The following MED12L variants were observed in gnomAD, a reference collection of about 807,000 sequenced individuals.
MED12L encodes the protein mediator complex subunit 12L.
A neutral mutation model predicts 281.3 loss-of-function variants in MED12L; 60 were observed. That is an observed-to-expected ratio of 0.21 (90% confidence interval 0.17 to 0.26). The LOEUF (loss-of-function observed/expected upper bound fraction) is 0.26, where lower values mean the gene tolerates loss of function less well. MED12L is among the 10% of genes least tolerant of loss of function. MED12L has a pLI of 1.00. For synonymous variants in MED12L, 974 were observed against 987.2 expected (o/e 0.99, Z 0.25); for missense variants, 2,146 against 2,680.9 (o/e 0.80, Z 4.41).
chr3:151,374,203 G>GTGCT (rs1280561703), intron 27 of MED12L, among the ~76,000 whole-genome samples: 1 of 148,944 alleles, frequency 6.7e-6, no homozygotes, highest in Non-Finnish European at 1.5e-5. Flanking sequence ...CATGTTAAAT[G>GTGCT]TGCTATCCAG....
At chr3:151,403,134 G>A (rs1260716293) in intron 39 of MED12L, among the ~76,000 whole-genome samples, 2 of 151,382 alleles carry the variant, frequency 1.3e-5, no homozygotes, top group East Asian at 1.9e-4. Flanking sequence ...CTGTTAACTC[G>A]GTTTATGTTT....
At chr3:151,305,363 T>C (rs146430582) in intron 16 of MED12L, among the ~76,000 whole-genome samples, 635 of 152,336 alleles carry the variant, frequency 4.2e-3, no homozygotes, top group Non-Finnish European at 7.0e-3. Flanking sequence ...GAGACCTGTT[T>C]TTTTTCCAGC....
chr3:151,131,064 G>A (rs1251256220), intron 5 of MED12L, among the ~76,000 whole-genome samples: 1 of 152,148 alleles, frequency 6.6e-6, no homozygotes, highest in Non-Finnish European at 1.5e-5. Flanking sequence ...TTCTGCATCT[G>A]TGTATGTATG....
chr3:151,198,581 G>A (rs750614771), intron 16 of MED12L: 1 of 1,613,926 alleles, frequency 6.2e-7, no homozygotes, highest in East Asian at 2.2e-5. Context: ...GAGCAGTGTA[G>A]CCTCTTTGGC....
At chr3:151,255,453 G>A (rs568402043) in intron 16 of MED12L, among the ~76,000 whole-genome samples, 1 of 152,186 alleles carries the variant, frequency 6.6e-6, no homozygotes, top group African/African-American at 2.4e-5. Context: ...GCCAGGGGGA[G>A]GGGGCTGGGG....
chr3:151,247,011 A>G (rs937626679), intron 16 of MED12L, among the ~76,000 whole-genome samples: 1 of 152,236 alleles, frequency 6.6e-6, no homozygotes, highest in African/African-American at 2.4e-5. Flanking sequence ...CAAAAAACAC[A>G]TGAAAAAATC....
intron 16 of MED12L, among the ~76,000 whole-genome samples, chr3:151,341,115 T>C (rs1269258391): frequency 6.6e-6 from 1 of 152,182 alleles, no homozygotes; most frequent in Non-Finnish European, 1.5e-5. Context: ...CTGAAATATA[T>C]TGTGTACAAC....
chr3:151,249,133 T>G (rs1192926139), intron 16 of MED12L: 1 of 152,106 alleles, frequency 6.6e-6, no homozygotes, highest in East Asian at 1.9e-4. Flanking sequence ...TGGACCTGAT[T>G]TGGATTTGCT....
At chr3:151,228,914 C>G (rs1731061820) in intron 16 of MED12L, among the ~76,000 whole-genome samples, 1 of 152,186 alleles carries the variant, frequency 6.6e-6, no homozygotes, top group Admixed American at 6.5e-5. Context: ...TCCATGACCT[C>G]TTTTCGCCTC....
In MED12L at chr3:151,097,624, C is replaced by T. The variant is rs1186515895; in HGVS notation, c.99+10599C>T. On this transcript the variant is annotated intron_variant, in intron 2 of 44. Coordinates refer to ENST00000687756, the MANE Select transcript of MED12L (RefSeq NM_001393769.1). ...GTCTAGAGCAGTGGATTTCAACTGG[C>T]GAGGGGCGAGAGTGCATTTTCTTTC... Among the ~76,000 whole-genome samples the T allele has an allele frequency of 3.3e-5, 5 of 152,156 alleles. 1 individual carries two copies. Among genetic ancestry groups the T allele is most frequent in the Admixed American group, 6.5e-5 (1 of 15,278 alleles).
chr3:151,294,470 G>A (rs1744782988), intron 16 of MED12L: 3 of 1,614,048 alleles, frequency 1.9e-6, no homozygotes, highest in South Asian at 2.2e-5. Flanking sequence ...AAAAAACACA[G>A]CCACAACAAC....
At position 151,408,986 on chromosome 3, in the gene MED12L, A is replaced by G. The variant is rs530253319; in HGVS notation, c.5821-257A>G. ...CCAGCTGACAGCCTCTCTGCTGAGC[A>G]GACCATTGATAACTTAGGCTTGTAT... On this transcript the variant is annotated intron_variant, in intron 39 of 44. Coordinates refer to ENST00000687756, the MANE Select transcript of MED12L (RefSeq NM_001393769.1). Among the ~76,000 whole-genome samples the G allele has an allele frequency of 2.0e-5, 3 of 152,362 alleles. No individual in the cohort carries two copies. In the South Asian group the frequency reaches 6.2e-4, roughly 32 times the overall value.
At chr3:151,293,618 CGGT>C (rs1744584245) in intron 16 of MED12L, among the ~76,000 whole-genome samples, 9 of 74,092 alleles carry the variant, frequency 1.2e-4, no homozygotes, top group East Asian at 3.5e-4. Context: ...CACACACACA[CGGT>C]CCTAAAATGA....
intron 17 of MED12L, 127 bp downstream of exon 17, chr3:151,350,333 G>T: frequency 1.9e-5 from 15 of 779,272 alleles, no homozygotes; most frequent in Non-Finnish European, 2.7e-5. Context: ...CTCTCACATT[G>T]AAATGTGAAC....
chr3:151,151,031 C>CTGTTTTTTTTTTTTT (rs1718397799), intron 5 of MED12L, among the ~76,000 whole-genome samples: 1 of 32,880 alleles, frequency 3.0e-5, no homozygotes, highest in Non-Finnish European at 5.4e-5. Context: ...GCTGAAGTAG[C>CTGTTTTTTTTTTTTT]TTTTTTTTTT....
intron 5 of MED12L, among the ~76,000 whole-genome samples, chr3:151,144,882 C>T (rs1234282642): frequency 6.6e-5 from 10 of 152,184 alleles, no homozygotes; most frequent in South Asian, 4.1e-4. Context: ...CTACCTGCAG[C>T]GGTTGTCCTT....
At chr3:151,314,056 C>A (rs1431138840) in intron 16 of MED12L, among the ~76,000 whole-genome samples, 1 of 151,954 alleles carries the variant, frequency 6.6e-6, no homozygotes, top group African/African-American at 2.4e-5. Context: ...CTATCTAGTA[C>A]ATTAGAAAAG....
chr3:151,333,662 G>T (rs1750603365), intron 16 of MED12L, among the ~76,000 whole-genome samples: 2 of 152,156 alleles, frequency 1.3e-5, no homozygotes, highest in Admixed American at 6.5e-5. Flanking sequence ...CATGTTTGTA[G>T]GAAGTTTCCT....
chr3:151,244,568 G>C (rs563793987), intron 16 of MED12L, among the ~76,000 whole-genome samples: 2 of 151,278 alleles, frequency 1.3e-5, no homozygotes, highest in African/African-American at 4.8e-5. Flanking sequence ...TTTGAAACCA[G>C]TGAGAACAAA....
Sources: gnomAD v4.1 joint callset for allele counts (sites outside exome capture counted in the v4.1 genomes callset) on GRCh38, gnomAD v4.1.1 for gene constraint, MANE v1.5 for transcripts, NCBI Gene and HGNC (gene_info 2026-07-23, HGNC 2026-07-21) for gene names.